The following ZNF235 variants were observed in gnomAD, a reference collection of about 807,000 sequenced individuals.
ZNF235 encodes zfp-93.
In ZNF235, 25 loss-of-function variants were observed where a neutral mutation model predicts 29.4. The observed-to-expected ratio is 0.85, with a 90% confidence interval of 0.62 to 1.19. The LOEUF is 1.19. Among genes scored for constraint, ZNF235 ranks in the 50% most tolerant of loss-of-function variants. The pLI is 0.00. For missense variants in ZNF235, 788 were observed against 885.0 expected, an observed-to-expected ratio of 0.89 and a Z score of 1.39; for synonymous variants, 300 against 295.3, an observed-to-expected ratio of 1.02 and a Z score of -0.16.
intron 2 of ZNF235, among the ~76,000 whole-genome samples, chr19:44,302,717 G>A (rs1415452550): frequency 2.7e-5 from 4 of 148,576 alleles, no homozygotes; most frequent in South Asian, 4.2e-4. Context: ...CTCCAGCCTG[G>A]GAAACAGGGT....
intron 4 of ZNF235, among the ~76,000 whole-genome samples, chr19:44,293,662 A>G (rs1975615188): frequency 1.3e-5 from 2 of 152,134 alleles, no homozygotes; most frequent in African/African-American, 4.8e-5. Context: ...GATAGAACAT[A>G]TGTTAGGTCA....
At position 44,288,743 on chromosome 19, in the gene ZNF235, T is replaced by C; in HGVS notation, c.692A>G (p.Lys231Arg). Residue 231 changes from lysine to arginine, a missense_variant, in exon 5 of 5, where the codon AAA becomes AGA. Physicochemically the swap from Lys to Arg is conservative, Grantham distance 26. Coordinates refer to ENST00000291182, the MANE Select transcript of ZNF235 (RefSeq NM_004234.4). ...SHHHDDNIVH[K>R]RDKVHSNSDC... ...ACTATTGCTATGAACTTTATCTCTTTTGTGCACTATATTATCATCATGGTG... is the reference window on the plus strand; with the variant it reads ...ACTATTGCTATGAACTTTATCTCTTCTGTGCACTATATTATCATCATGGTG... 1 of 1,614,054 alleles carries C rather than the reference T, an allele frequency of 6.2e-7. No homozygotes were observed.
chr19:44,291,518 T>C (rs1975584068), intron 4 of ZNF235, among the ~76,000 whole-genome samples: 1 of 152,042 alleles, frequency 6.6e-6, no homozygotes, highest in African/African-American at 2.4e-5. Flanking sequence ...TAATAAACTC[T>C]AGCACTCATG....
chr19:44,299,634 C>T lies in ZNF235; in HGVS notation c.114G>A (p.Leu38=). The change falls in exon 3 of 5, where the codon CTG becomes CTA. Residue 38 remains leucine (L), a synonymous_variant. Transcript: ENST00000291182. ...AQRKLYRDVM[L]ENFRNLVSVG... The stretch of plus-strand genomic sequence containing the variant: ...CTGAAACCAGGTTCCTAAAGTTCTC[C>T]AGCATCACATCTCGGTACAGCTTCC... 10 of 1,614,138 alleles carry T rather than the reference C, an allele frequency of 6.2e-6. No homozygotes were observed. The highest frequency in any genetic ancestry group is 6.8e-6 in the Non-Finnish European group (8 of 1,179,994).
rs1222611892 is a variant in ZNF235, at chr19:44,287,185, C to T, written c.*33G>A. 2.0e-6 allele frequency: 3 copies of T among 1,536,898 alleles called. No homozygotes were observed. Among genetic ancestry groups the T allele is most frequent in the East Asian group, 4.5e-5 (2 of 44,122 alleles). On this transcript the variant is annotated 3_prime_UTR_variant, in exon 5 of 5. Coordinates refer to ENST00000291182, the MANE Select transcript of ZNF235 (RefSeq NM_004234.4). Reference sequence around the variant, plus strand: ...TTCCCAACGGAGACAAAGATGTGAGCTCTAACTGAAGGCTGAACCACACCT... The same window carrying T: ...TTCCCAACGGAGACAAAGATGTGAGTTCTAACTGAAGGCTGAACCACACCT...
chr19:44,299,094 T>C (rs1034000078), intron 3 of ZNF235, among the ~76,000 whole-genome samples, 191 bp from the exon 4 acceptor site: 9 of 152,222 alleles, frequency 5.9e-5, no homozygotes, highest in African/African-American at 1.9e-4. Context: ...TGTAAACTAT[T>C]GAAATAAAAG....
chr19:44,304,176 T>C (rs532034799), intron 1 of ZNF235, among the ~76,000 whole-genome samples: 46 of 152,300 alleles, frequency 3.0e-4, no homozygotes, highest in Non-Finnish European at 4.4e-4. Flanking sequence ...AAAGTCTCTT[T>C]TTCCACATGC....
In ZNF235 at chr19:44,287,569, G is replaced by A. The variant is rs375065353; in HGVS notation, c.1866C>T (p.Thr622=). 1.2e-4 allele frequency: 192 copies of A among 1,612,930 alleles called. No individual in the cohort carries two copies. Among genetic ancestry groups the A allele is most frequent in the Non-Finnish European group, 1.4e-4 (171 of 1,179,676 alleles). The change falls in exon 5 of 5, where the codon ACC becomes ACT. Residue 622 remains threonine (T), a synonymous_variant. Coordinates refer to ENST00000291182, the MANE Select transcript of ZNF235 (RefSeq NM_004234.4). The part of the protein sequence containing the change: ...SHLQAHQRVH[T]GEKPYKCDTC... ...TGTCACATTTATATGGTTTCTCTCC[G>A]GTGTGGACTCTCTGATGGGCTTGAA...
rs1207490901 is a variant in ZNF235, at chr19:44,289,100, A to G, written c.335T>C (p.Ile112Thr). 7 of 1,614,014 alleles carry G rather than the reference A, an allele frequency of 4.3e-6. No homozygotes were observed. The highest frequency in any genetic ancestry group is 1.7e-5 in the Admixed American group (1 of 59,980). Residue 112 changes from isoleucine to threonine, a missense_variant, in exon 5 of 5, where the codon ATT becomes ACT. Coordinates refer to ENST00000291182, the MANE Select transcript of ZNF235 (RefSeq NM_004234.4). Reference protein sequence around the residue: ...ELSCWQIKRHIASKLARSQDS... With the variant: ...ELSCWQIKRHTASKLARSQDS... ...TTGACTTCTGGCTAATTTGCTCGCA[A>G]TGTGTCTCTTGATTTGCCAGCATGA...
chr19:44,302,045 CTTAGAA>C (rs1975745557), intron 2 of ZNF235, among the ~76,000 whole-genome samples: 1 of 152,116 alleles, frequency 6.6e-6, no homozygotes, highest in Non-Finnish European at 1.5e-5. Flanking sequence ...CAAGGTTTTA[CTTAGAA>C]TTAAAGAAAG....
intron 2 of ZNF235, among the ~76,000 whole-genome samples, chr19:44,300,623 T>C (rs1252267500): frequency 6.6e-6 from 1 of 152,062 alleles, no homozygotes; most frequent in Non-Finnish European, 1.5e-5. Flanking sequence ...GCAGATCACT[T>C]GAGGTCAGGA....
chr19:44,303,592 T>C, intron 1 of ZNF235, 140 bp from the exon 2 acceptor site: 1 of 609,966 alleles, frequency 1.6e-6, no homozygotes, highest in Non-Finnish European at 2.7e-6. Context: ...GAACGGGAGC[T>C]AGCTCCCAGC....
At position 44,303,443 on chromosome 19, in the gene ZNF235, G is replaced by A. The variant is rs1599895485; in HGVS notation, c.-39C>T. On this transcript the variant is annotated 5_prime_UTR_variant, in exon 2 of 5. Coordinates refer to ENST00000291182, the MANE Select transcript of ZNF235 (RefSeq NM_004234.4). ...CTTCTGGGAAAAGGCAGAGTTCCGG[G>A]GAAGTGAACCTGAGGGAGGGAAAGG... is the stretch of plus-strand genomic sequence containing the variant. The A allele has an allele frequency of 6.2e-7, 1 of 1,606,202 alleles. No homozygotes were observed. Among genetic ancestry groups the A allele is most frequent in the South Asian group, 1.1e-5 (1 of 90,450 alleles).
At chr19:44,299,526 C>G in intron 3 of ZNF235, 80 bp downstream of exon 3, 1 of 1,567,192 alleles carries the variant, frequency 6.4e-7, no homozygotes, top group Non-Finnish European at 8.7e-7. Context: ...CCTGATACAA[C>G]ACAGAATTAT....
chr19:44,300,097 A>T (rs1274789959), intron 2 of ZNF235, among the ~76,000 whole-genome samples: 1 of 152,316 alleles, frequency 6.6e-6, no homozygotes, highest in South Asian at 2.1e-4. Context: ...GGTTCTCAGG[A>T]ACATGCTGTC....
rs1975710474 is a variant in ZNF235, at chr19:44,299,869, T to C, written c.16-137A>G. 3 of 1,336,214 alleles carry C rather than the reference T, an allele frequency of 2.2e-6. No individual in the cohort carries two copies. The South Asian group carries it at 3.8e-5, about 17-fold the overall frequency. 82.8% of individuals were successfully genotyped at this position (1,336,214 alleles called of 1,614,324 possible). ...GCTAGGGGGAAGAAGGAAAACACCT[T>C]GTACATGTAACGTGGTGCCCTTTAT... On this transcript the variant is annotated intron_variant, in intron 2 of 4. Coordinates refer to ENST00000291182, the MANE Select transcript of ZNF235 (RefSeq NM_004234.4).
At position 44,304,976 on chromosome 19, in the gene ZNF235, T is replaced by C; in HGVS notation, c.-54A>G. ...GAGACCCGGAGCTGACTCACCTCCC[T>C]GGGAGATATCTCAGATCCGACCTCG... is the stretch of plus-strand genomic sequence containing the variant. On this transcript the variant is annotated 5_prime_UTR_variant, in exon 1 of 5. Transcript: ENST00000291182. 2.0e-6 allele frequency: 2 copies of C among 980,582 alleles called. No homozygotes were observed. The highest frequency in any genetic ancestry group is 2.4e-6 in the Non-Finnish European group (2 of 825,476). 60.7% of individuals were successfully genotyped at this position (980,582 alleles called of 1,614,324 possible).
intron 4 of ZNF235, among the ~76,000 whole-genome samples, chr19:44,296,076 C>T (rs1264474289): frequency 6.6e-6 from 1 of 152,108 alleles, no homozygotes; most frequent in Non-Finnish European, 1.5e-5. Flanking sequence ...ATAAACAATG[C>T]AATACTGGAT....
chr19:44,302,914 G>A (rs1455040303), intron 2 of ZNF235, among the ~76,000 whole-genome samples: 7 of 37,070 alleles, frequency 1.9e-4, no homozygotes, highest in African/African-American at 4.4e-4. Context: ...AAATATATAC[G>A]TATATATTTG....
Sources: gnomAD v4.1 joint callset for allele counts (sites outside exome capture counted in the v4.1 genomes callset) on GRCh38, gnomAD v4.1.1 for gene constraint, MANE v1.5 for transcripts, NCBI Gene and HGNC (gene_info 2026-07-23, HGNC 2026-07-21) for gene names.